RAPGEF2: variants seen among roughly 807,000 people sequenced by gnomAD.
The protein encoded by RAPGEF2 is Rap guanine nucleotide exchange factor 2.
In RAPGEF2, 54 loss-of-function variants were observed where a neutral mutation model predicts 186.7. That is an observed-to-expected ratio of 0.29 (90% CI 0.23 to 0.36). The LOEUF is 0.36. RAPGEF2 is among the 10% of genes least tolerant of loss of function. RAPGEF2 has a pLI of 1.00. For missense variants in RAPGEF2, 1,532 were observed against 2,045.0 expected (o/e 0.75, Z 4.84); for synonymous variants, 712 against 705.9 (o/e 1.01, Z -0.14).
chr4:159,200,132 A>T (rs1039475111), intron 3 of RAPGEF2, among the ~76,000 whole-genome samples: 1 of 152,000 alleles, frequency 6.6e-6, no homozygotes, highest in Non-Finnish European at 1.5e-5. Context: ...CATAACTCCC[A>T]GTGTTTCACT....
intron 1 of RAPGEF2, among the ~76,000 whole-genome samples, chr4:159,178,017 A>C (rs1460518131): frequency 6.6e-6 from 1 of 152,148 alleles, no homozygotes; most frequent in East Asian, 1.9e-4. Flanking sequence ...GACATTTACC[A>C]CTTAGGCCTC....
At chr4:159,202,324 C>A (rs868402114) in intron 3 of RAPGEF2, among the ~76,000 whole-genome samples, 1 of 152,154 alleles carries the variant, frequency 6.6e-6, no homozygotes, top group Non-Finnish European at 1.5e-5. Flanking sequence ...CTCCTTGTTT[C>A]ATATTTTGTC....
intron 1 of RAPGEF2, among the ~76,000 whole-genome samples, chr4:159,115,335 AT>A (rs1738930794): frequency 6.6e-6 from 1 of 152,200 alleles, no homozygotes; most frequent in South Asian, 2.1e-4. Context: ...TGTTTTCTGT[AT>A]TTTAAGAAAC....
Position 159,352,700 on chromosome 4 carries a change from C to T in RAPGEF2, c.3881C>T (p.Pro1294Leu). 6.2e-7 allele frequency: 1 copy of T among 1,613,714 alleles called. No homozygotes were observed. Among genetic ancestry groups the T allele is most frequent in the African/African-American group, 1.3e-5 (1 of 75,028 alleles). ...TCTCATGCAGGCTATACTTTGGCTC[C>T]CAGTGGTACTGTGGATAATTTTTCA... Reference protein sequence around the residue: ...SSPRKGYTLAPSGTVDNFSDS... With the variant: ...SSPRKGYTLALSGTVDNFSDS... Residue 1294 changes from proline to leucine, a missense_variant, in exon 27 of 30, where the codon CCC becomes CTC. Around this residue, in one of 4 missense-constraint regions of RAPGEF2, gnomAD observed 594 missense variants for 608.5 expected, o/e 0.98. Transcript: ENST00000691494.
At chr4:159,229,353 G>A (rs1752375886) in intron 4 of RAPGEF2, 1 of 152,202 alleles carries the variant, frequency 6.6e-6, no homozygotes, top group Admixed American at 6.5e-5. Flanking sequence ...GACACTGATA[G>A]AAGAGGCTTC....
chr4:159,259,551 A>C (rs1027154100), intron 7 of RAPGEF2, among the ~76,000 whole-genome samples: 1 of 152,228 alleles, frequency 6.6e-6, no homozygotes, highest in Admixed American at 6.5e-5. Flanking sequence ...GCACCATTTC[A>C]TAACAAAGGG....
intron 7 of RAPGEF2, among the ~76,000 whole-genome samples, chr4:159,273,233 C>T (rs570117304): frequency 5.3e-4 from 80 of 152,254 alleles, no homozygotes; most frequent in Non-Finnish European, 9.4e-4. Flanking sequence ...GGAAGCATAT[C>T]CTGTTGTTTT....
At chr4:159,126,262 C>A (rs1279657181) in intron 1 of RAPGEF2, among the ~76,000 whole-genome samples, 1 of 152,032 alleles carries the variant, frequency 6.6e-6, no homozygotes, top group Non-Finnish European at 1.5e-5. Flanking sequence ...GAGAGTTAAA[C>A]ACAATTTTCA....
intron 7 of RAPGEF2, among the ~76,000 whole-genome samples, chr4:159,286,406 T>G (rs1760503458): frequency 2.0e-5 from 3 of 152,062 alleles, no homozygotes. Flanking sequence ...TTCCTAGAGT[T>G]CCCCTTATTT....
At chr4:159,128,817 G>A (rs1408543351) in intron 1 of RAPGEF2, 2 of 147,802 alleles carry the variant, frequency 1.4e-5, no homozygotes, top group Non-Finnish European at 3.0e-5. Context: ...ACTTTAAAGA[G>A]TGGCAAAGTC....
At chr4:159,151,417 G>A (rs972796570) in intron 1 of RAPGEF2, among the ~76,000 whole-genome samples, 1 of 152,172 alleles carries the variant, frequency 6.6e-6, no homozygotes, top group African/African-American at 2.4e-5. Context: ...TTATTAAATA[G>A]GTTGTTTATT....
In RAPGEF2 at chr4:159,352,793, C is replaced by T; in HGVS notation, c.3974C>T (p.Pro1325Leu). Reference protein sequence around the residue: ...IVSNSSFDSVPVSLHDERRQR... With the variant: ...IVSNSSFDSVLVSLHDERRQR... ...AGCAATTCGTCTTTTGACTCAGTGC[C>T]AGTCTCACTGCACGATGAGAGGCGC... The change falls in exon 27 of 30, where the codon CCA (proline) becomes CTA (leucine). Residue 1325 changes from proline (P) to leucine (L), a missense_variant. By Grantham distance (98) the Pro-to-Leu change is moderately conservative. Transcript: ENST00000691494. 2 of 1,614,142 alleles carry T rather than the reference C, an allele frequency of 1.2e-6. No individual in the cohort carries two copies. Among genetic ancestry groups the T allele is most frequent in the South Asian group, 1.1e-5 (1 of 91,086 alleles).
At chr4:159,193,565 A>G (rs1748335043) in intron 3 of RAPGEF2, among the ~76,000 whole-genome samples, 1 of 152,230 alleles carries the variant, frequency 6.6e-6, no homozygotes, top group African/African-American at 2.4e-5. Flanking sequence ...TAATGGAACA[A>G]AACATATATT....
intron 1 of RAPGEF2, among the ~76,000 whole-genome samples, chr4:159,131,339 A>G (rs1002164658): frequency 2.4e-4 from 36 of 151,472 alleles, no homozygotes; most frequent in Admixed American, 2.0e-3. Context: ...CGAACTCCCA[A>G]CCTCAGGTGA....
chr4:159,348,912 C>G (rs761308156), intron 25 of RAPGEF2, among the ~76,000 whole-genome samples: 5 of 152,224 alleles, frequency 3.3e-5, no homozygotes, highest in Non-Finnish European at 5.9e-5. Context: ...GTTCCCCCCA[C>G]TCCAGTCCAT....
At position 159,238,786 on chromosome 4, in the gene RAPGEF2, ATTTT is replaced by A; in HGVS notation, c.282-16_282-13del. On this transcript the variant is annotated intron_variant, in intron 4 of 29. Transcript: ENST00000691494. ...TAAATCTCTGAGGTTCTCCTCATTG[ATTTT>A]TTTTTTCTTTCTTTCTAGTTTTGGC... 1 of 1,409,284 alleles carries A rather than the reference ATTTT, an allele frequency of 7.1e-7. No individual in the cohort carries two copies. The highest frequency in any genetic ancestry group is 9.4e-7 in the Non-Finnish European group (1 of 1,059,870). The allele number at this position is 1,409,284 out of a possible 1,614,324, so 87.3% of individuals were successfully genotyped here.
intron 1 of RAPGEF2, among the ~76,000 whole-genome samples, chr4:159,107,915 A>G (rs1560968820): frequency 6.6e-6 from 1 of 152,070 alleles, no homozygotes; most frequent in African/African-American, 2.4e-5. Context: ...GTCAGCTTAT[A>G]CTCTCATTAT....
In RAPGEF2 at chr4:159,164,240, G is replaced by A. The variant is rs1383032777; in HGVS notation, c.70-22402G>A. Among the ~76,000 whole-genome samples, 3 of 151,250 alleles carry A rather than the reference G, an allele frequency of 2.0e-5. No individual in the cohort carries two copies. The South Asian group carries it at 6.2e-4, about 31-fold the overall frequency. On this transcript the variant is annotated intron_variant, in intron 1 of 29. Transcript: ENST00000691494. ...AGGATGGTCTCGATGTCCTGACCTT[G>A]TGATCCGCCCGCCTCAGCCTCCCAA...
At chr4:159,199,280 A>G (rs1043116761) in intron 3 of RAPGEF2, among the ~76,000 whole-genome samples, 1 of 152,172 alleles carries the variant, frequency 6.6e-6, no homozygotes, top group East Asian at 1.9e-4. Flanking sequence ...GCTTCTTGAC[A>G]ATGATATTTT....
Sources: gnomAD v4.1 joint callset for allele counts (sites outside exome capture counted in the v4.1 genomes callset) on GRCh38, gnomAD v4.1.1 for gene constraint, gnomAD v4.1.1 regional missense constraint, MANE v1.5 for transcripts, NCBI Gene and HGNC (gene_info 2026-07-23, HGNC 2026-07-21) for gene names.